The following MED14 variants were observed in gnomAD, a reference collection of about 807,000 sequenced individuals.
MED14 encodes the protein mediator complex subunit 14.
A neutral mutation model predicts 109.0 loss-of-function variants in MED14; 8 were observed. That is an observed-to-expected ratio of 0.07 (90% confidence interval 0.04 to 0.13). MED14 has a LOEUF of 0.13. Ranked by LOEUF, MED14 falls within the 10% of genes least tolerant of loss-of-function variation. The probability of loss-of-function intolerance (pLI) is 1.00; values close to 1 mark genes in which losing one functional copy is unlikely to be tolerated. For missense variants in MED14, 711 were observed against 1,142.4 expected (o/e 0.62, Z 5.44); for synonymous variants, 399 against 408.7 (o/e 0.98, Z 0.29).
intron 28 of MED14, among the ~76,000 whole-genome samples, chrX:40,656,812 G>A (rs1167791742): frequency 1.8e-5 from 2 of 112,650 alleles, no homozygotes; most frequent in African/African-American, 6.5e-5. Context: ...TCCATTTCGA[G>A]CAATATGCCA....
At chrX:40,702,352 T>G (rs1405661514) in intron 11 of MED14, among the ~76,000 whole-genome samples, 1 of 102,065 alleles carries the variant, frequency 9.8e-6, no homozygotes, top group Admixed American at 1.0e-4. Flanking sequence ...TTTTGTTTTT[T>G]TTTTTTTTTT....
chrX:40,725,722 A>G (rs983476457), intron 3 of MED14, among the ~76,000 whole-genome samples: 1 of 111,858 alleles, frequency 8.9e-6, no homozygotes, highest in Non-Finnish European at 1.9e-5. Flanking sequence ...ACAGCTAATT[A>G]TCATGCTGAA....
intron 22 of MED14, among the ~76,000 whole-genome samples, chrX:40,674,439 G>A (rs922807109): frequency 1.8e-5 from 2 of 112,469 alleles, no homozygotes; most frequent in African/African-American, 6.5e-5. Context: ...AGGATTCTCT[G>A]CACAATGCTG....
chrX:40,701,452 T>C (rs907178547), intron 11 of MED14, among the ~76,000 whole-genome samples: 1 of 112,119 alleles, frequency 8.9e-6, no homozygotes, highest in Non-Finnish European at 1.9e-5. Flanking sequence ...GGGAGCATTA[T>C]AGATATGACA....
intron 3 of MED14, among the ~76,000 whole-genome samples, chrX:40,724,884 G>GA (rs1931844263): frequency 9.0e-6 from 1 of 110,713 alleles, no homozygotes; most frequent in African/African-American, 3.3e-5. Context: ...CTGGTTTTCT[G>GA]AAAAAATGAA....
Position 40,651,444 on chromosome X carries a change from CAA to C in MED14, c.*360_*361del. On this transcript the variant is annotated 3_prime_UTR_variant, in exon 31 of 31. Coordinates refer to ENST00000324817, the MANE Select transcript of MED14 (RefSeq NM_004229.4). ...AAAATGACAGACCTGCCTTAAAAAA[CAA>C]AACAAAAACCAAAAAAGGACTATTA... 1.3e-6 allele frequency: 1 copy of C among 767,465 alleles called. No homozygotes were observed. The highest frequency in any genetic ancestry group is 2.3e-5 in the African/African-American group (1 of 44,239). 63.2% of individuals were successfully genotyped at this position (767,465 alleles called of 1,213,427 possible). A position where few individuals can be genotyped will look rare whatever the true frequency, so the allele number is the denominator to read the frequency against.
intron 5 of MED14, 114 bp from the exon 6 acceptor site, chrX:40,713,156 G>C: frequency 2.7e-6 from 2 of 747,318 alleles, no homozygotes; most frequent in East Asian, 3.6e-5. Flanking sequence ...TAGATTGAAG[G>C]TTCTTTCATA....
At chrX:40,710,810 T>C (rs1931312014) in intron 8 of MED14, among the ~76,000 whole-genome samples, 1 of 112,190 alleles carries the variant, frequency 8.9e-6, no homozygotes, top group South Asian at 3.7e-4. Flanking sequence ...CATAATACTA[T>C]GGGACCTTAC....
chrX:40,735,324 G>C lies in MED14; in HGVS notation c.89C>G (p.Pro30Arg), dbSNP rs1432977384. ...GSGGPPSAPA[P>R]PPPGAAVAAA... ...CGCCACGGCGGCTCCCGGGGGAGGA[G>C]GGGCTGGGGCTGACGGGGGTCCGCC... Residue 30 changes from proline (P) to arginine (R), a missense_variant, in exon 1 of 31, where the codon CCT (proline) becomes CGT (arginine). By Grantham distance (103) the Pro-to-Arg change is moderately radical. Coordinates refer to ENST00000324817, the MANE Select transcript of MED14 (RefSeq NM_004229.4). 9.1e-7 allele frequency: 1 copy of C among 1,100,664 alleles called. No individual in the cohort carries two copies. The allele number at this position is 1,100,664 out of a possible 1,213,427, so 90.7% of individuals were successfully genotyped here.
chrX:40,659,708 T>C, intron 26 of MED14, 101 bp from the exon 27 acceptor site: 6 of 816,715 alleles, frequency 7.3e-6, no homozygotes, highest in Non-Finnish European at 1.0e-5. Flanking sequence ...TTGATACCTA[T>C]TCCAAAACAA....
chrX:40,690,822 A>G (rs113162382), intron 15 of MED14, among the ~76,000 whole-genome samples: 1 of 112,516 alleles, frequency 8.9e-6, no homozygotes, highest in African/African-American at 3.2e-5. Flanking sequence ...TTGAGTAGCT[A>G]TAACAGAGAC....
chrX:40,727,953 G>T (rs1406701178), intron 2 of MED14, among the ~76,000 whole-genome samples: 1 of 112,090 alleles, frequency 8.9e-6, no homozygotes, highest in East Asian at 2.8e-4. Flanking sequence ...AAATCGGCCA[G>T]CAATATGATT....
intron 11 of MED14, 94 bp from the exon 12 acceptor site, chrX:40,701,337 T>C: frequency 3.6e-6 from 2 of 551,260 alleles, no homozygotes; most frequent in Non-Finnish European, 5.7e-6. Flanking sequence ...ATGAAAATTA[T>C]TGTTTAAGGC....
At chrX:40,711,098 T>C (rs1931323086) in intron 8 of MED14, 71 bp downstream of exon 8, 17 of 1,075,043 alleles carry the variant, frequency 1.6e-5, no homozygotes, top group Non-Finnish European at 2.1e-5. Flanking sequence ...ATCAGATGTA[T>C]GAGAGAAAAA....
chrX:40,654,268 T>G, intron 30 of MED14, 96 bp downstream of exon 30: 2 of 748,107 alleles, frequency 2.7e-6, no homozygotes, highest in Non-Finnish European at 1.9e-6. Context: ...GGTGGTAGAG[T>G]AGGTAAGGAG....
chrX:40,712,841 G>A (rs904608226), intron 6 of MED14, 73 bp downstream of exon 6: 13 of 980,365 alleles, frequency 1.3e-5, no homozygotes, highest in Non-Finnish European at 1.8e-5. Context: ...CCCCAGCCGG[G>A]AATATTTCAA....
At chrX:40,701,691 C>T (rs1930942583) in intron 11 of MED14, among the ~76,000 whole-genome samples, 1 of 111,873 alleles carries the variant, frequency 8.9e-6, no homozygotes, top group Non-Finnish European at 1.9e-5. Context: ...GCATATGGAA[C>T]AGCTGCTGGC....
intron 23 of MED14, among the ~76,000 whole-genome samples, chrX:40,667,232 C>T (rs1197037430): frequency 2.7e-5 from 3 of 111,642 alleles, no homozygotes; most frequent in African/African-American, 9.8e-5. Context: ...ATGAGAAAGA[C>T]AAGTATCTGT....
rs1931108415 is a variant in MED14, at chrX:40,705,597, T to G, written c.1286-2028A>C. Among the ~76,000 whole-genome samples the G allele has an allele frequency of 3.6e-5, 4 of 112,138 alleles. No homozygotes were observed. In the South Asian group the frequency reaches 1.1e-3, roughly 31 times the overall value. ...TGCAAAGAAAATAAAGAAGAGGGAA[T>G]TAAAAGCAGTGTAAGATGACAGGAC... is the stretch of plus-strand genomic sequence containing the variant. On this transcript the variant is annotated intron_variant, in intron 10 of 30. Coordinates refer to ENST00000324817, the MANE Select transcript of MED14 (RefSeq NM_004229.4).
Sources: allele counts gnomAD v4.1 joint callset (sites outside exome capture counted in the v4.1 genomes callset), GRCh38; gene constraint gnomAD v4.1.1; transcripts MANE v1.5; gene names NCBI Gene and HGNC (gene_info 2026-07-23, HGNC 2026-07-21).